RYR1: variants seen among roughly 807,000 people sequenced by gnomAD.
The protein encoded by RYR1 is ryanodine receptor 1.
A neutral mutation model predicts 583.5 loss-of-function variants in RYR1; 342 were observed. The ratio of observed to expected loss-of-function variants is 0.59; its 90% CI spans 0.54 to 0.64. RYR1 has a LOEUF of 0.64. RYR1 is among the 30% of genes least tolerant of loss of function. The probability of loss-of-function intolerance (pLI) is 0.00; values close to 1 mark genes in which losing one functional copy is unlikely to be tolerated. For missense variants in RYR1, 6,032 were observed against 6,917.2 expected (o/e 0.87, Z 4.54); for synonymous variants, 2,791 against 2,822.5 (o/e 0.99, Z 0.35).
chr19:38,494,744 C>T (rs140470643), intron 39 of RYR1, 119 bp downstream of exon 39: 27,843 of 1,259,034 alleles, frequency 0.022, 371 homozygotes, highest in South Asian at 0.027. Flanking sequence ...CTCAGTCTCT[C>T]GATGGCTAGC....
intron 12 of RYR1, 72 bp downstream of exon 12, chr19:38,451,957 C>T (rs1339977483): frequency 6.3e-7 from 1 of 1,597,518 alleles, no homozygotes; most frequent in Non-Finnish European, 8.6e-7. Flanking sequence ...TACACTTGGC[C>T]TCTTTCATCT....
Position 38,502,922 on chromosome 19 carries a change from G to A in RYR1, c.7878G>A (p.Leu2626=), listed in dbSNP as rs148907377. The change falls in exon 49 of 106, where the codon CTG becomes CTA. Residue 2626 remains leucine, a synonymous_variant. Transcript: ENST00000359596. The stretch of plus-strand genomic sequence containing the variant: ...TGCTGCAGCACCTGTTGCGCCGCCT[G>A]GTGTTCGACGTGCCCATCCTCAACG... The part of the protein sequence containing the change: ...PSMLQHLLRR[L]VFDVPILNEF... 2.3e-5 allele frequency: 37 copies of A among 1,611,554 alleles called. No homozygotes were observed. The highest frequency in any genetic ancestry group is 2.3e-4 in the African/African-American group (17 of 74,884).
At chr19:38,435,516 G>C (rs919737629) in intron 1 of RYR1, among the ~76,000 whole-genome samples, 4 of 152,198 alleles carry the variant, frequency 2.6e-5, no homozygotes, top group Non-Finnish European at 5.9e-5. Flanking sequence ...CGGATCACTT[G>C]AGGTCAGGAG....
chr19:38,566,810 A>G, intron 91 of RYR1, 101 bp from the exon 92 acceptor site: 1 of 1,544,258 alleles, frequency 6.5e-7, no homozygotes, highest in Non-Finnish European at 8.8e-7. Context: ...AACTTAGATT[A>G]CCCAGGGGAA....
At chr19:38,511,152 C>T (rs1193389623) in intron 60 of RYR1, among the ~76,000 whole-genome samples, 2 of 151,960 alleles carry the variant, frequency 1.3e-5, no homozygotes, top group Non-Finnish European at 2.9e-5. Flanking sequence ...AAAAATTAGC[C>T]GGGCTTGGTG....
At chr19:38,534,693 C>A in intron 78 of RYR1, 27 bp from the exon 79 acceptor site, 2 of 1,601,266 alleles carry the variant, frequency 1.2e-6, no homozygotes, top group South Asian at 1.1e-5. Flanking sequence ...CCTGGACTTG[C>A]CTTCATGTGT....
chr19:38,523,975 C>T (rs758681056), intron 70 of RYR1, 46 bp downstream of exon 70: 2 of 1,611,144 alleles, frequency 1.2e-6, no homozygotes, highest in Non-Finnish European at 8.5e-7. Context: ...TGGCTAATGC[C>T]CTCTTCCCCC....
intron 29 of RYR1, among the ~76,000 whole-genome samples, chr19:38,475,924 A>C (rs927286371): frequency 3.3e-5 from 5 of 152,250 alleles, no homozygotes; most frequent in African/African-American, 1.2e-4. Context: ...CCAGGGATCA[A>C]TTTTGTGGAA....
At chr19:38,530,074 G>T (rs1286050237) in intron 76 of RYR1, among the ~76,000 whole-genome samples, 1 of 151,918 alleles carries the variant, frequency 6.6e-6, no homozygotes, top group East Asian at 1.9e-4. Flanking sequence ...CCGCCTCCCA[G>T]GTTCAAGCAA....
In RYR1 at chr19:38,502,802, GGCAGGGGGAGGA is replaced by G. The variant is rs1377967442; in HGVS notation, c.7836-70_7836-59del. ...GGGCAGGGGCAGGGGCAGGGGCAGG[GGCAGGGGGAGGA>G]GCAGGGGCAGGGGCAGCAGAGCGGG... On this transcript the variant is annotated intron_variant, in intron 48 of 105. Coordinates refer to ENST00000359596, the MANE Select transcript of RYR1 (RefSeq NM_000540.3). 16,947 of 1,039,300 alleles carry G rather than the reference GGCAGGGGGAGGA, an allele frequency of 0.016. 1,276 individuals are homozygous for G. Among genetic ancestry groups the G allele is most frequent in the African/African-American group, 0.043 (1,637 of 37,670 alleles). The allele number at this position is 1,039,300 out of a possible 1,614,324, so 64.4% of individuals were successfully genotyped here.
rs1600643064 is a variant in RYR1, at chr19:38,444,337, G to A, written c.537+76G>A. On this transcript the variant is annotated intron_variant, in intron 6 of 105. Coordinates refer to ENST00000359596, the MANE Select transcript of RYR1 (RefSeq NM_000540.3). The surrounding 1 kb of genome is among the most constrained non-coding windows in gnomAD (Gnocchi z 5.1). ...GTCCCCATCTTCTCACCATGGGTTTGCCTGGCTGATCTCCCACCCCCAAGG... is the reference window on the plus strand; with the variant it reads ...GTCCCCATCTTCTCACCATGGGTTTACCTGGCTGATCTCCCACCCCCAAGG... 1 of 1,228,532 alleles carries A rather than the reference G, an allele frequency of 8.1e-7. No homozygotes were observed. The highest frequency in any genetic ancestry group is 1.2e-6 in the Non-Finnish European group (1 of 846,428). 76.1% of individuals were successfully genotyped at this position (1,228,532 alleles called of 1,614,324 possible). A position where few individuals can be genotyped will look rare whatever the true frequency, so the allele number is the denominator to read the frequency against.
chr19:38,549,145 A>G (rs1008190950), intron 89 of RYR1, among the ~76,000 whole-genome samples: 1 of 152,162 alleles, frequency 6.6e-6, no homozygotes, highest in Non-Finnish European at 1.5e-5. Context: ...TCCAAGTCTA[A>G]ATAATGAGCC....
In RYR1 at chr19:38,489,441, C is replaced by T; in HGVS notation, c.5812C>T (p.Gln1938Ter). The T allele has an allele frequency of 1.2e-6, 2 of 1,613,948 alleles. No homozygotes were observed. The highest frequency in any genetic ancestry group is 4.5e-5 in the East Asian group (2 of 44,872). ...GAAGTTGCCAGAGTCTGTGAAGTTACAGGTGGGCTGCTGCTTCCTGCTTTT... is the reference window on the plus strand; with the variant it reads ...GAAGTTGCCAGAGTCTGTGAAGTTATAGGTGGGCTGCTGCTTCCTGCTTTT... ...QMKLPESVKL[Q>*]MCHLLEYFCD... Residue 1938 changes from glutamine to a stop codon, truncating the protein, a stop_gained and splice_region_variant, in exon 35 of 106, where the codon CAG becomes TAG. Coordinates refer to ENST00000359596, the MANE Select transcript of RYR1 (RefSeq NM_000540.3). LOFTEE classifies it high-confidence loss of function.
chr19:38,511,986 G>C, intron 61 of RYR1, 86 bp from the exon 62 acceptor site: 1 of 1,466,072 alleles, frequency 6.8e-7, no homozygotes. Context: ...GCCTCAGGAA[G>C]AGAGCGGTTG....
chr19:38,523,381 C>A, intron 69 of RYR1, 72 bp downstream of exon 69: 1 of 1,577,574 alleles, frequency 6.3e-7, no homozygotes, highest in Non-Finnish European at 8.7e-7. Context: ...CCTACCTGGC[C>A]TGTCCTCACC....
At chr19:38,511,886 T>G (rs1970740683) in intron 61 of RYR1, among the ~76,000 whole-genome samples, 186 bp from the exon 62 acceptor site, 6 of 142,588 alleles carry the variant, frequency 4.2e-5, no homozygotes, top group African/African-American at 8.0e-5. Flanking sequence ...GCCAGGAGAG[T>G]GGTTGGGCTG....
In RYR1 at chr19:38,452,763, G is replaced by A. The variant is rs538967292; in HGVS notation, c.1245-56G>A. 53 of 1,494,658 alleles carry A rather than the reference G, an allele frequency of 3.5e-5. No homozygotes were observed. In the African/African-American group the frequency reaches 7.2e-4, roughly 20 times the overall value. 92.6% of individuals were successfully genotyped at this position (1,494,658 alleles called of 1,614,324 possible). A position where few individuals can be genotyped will look rare whatever the true frequency, so the allele number is the denominator to read the frequency against. On this transcript the variant is annotated intron_variant, in intron 12 of 105. Coordinates refer to ENST00000359596, the MANE Select transcript of RYR1 (RefSeq NM_000540.3). ...CTTGCGGGAGTGAGGTTGCGGCAGT[G>A]ACGTTGCGGCAGTTAGCGCTCCCAG...
chr19:38,457,461 C>T (rs1476995529), intron 16 of RYR1, 36 bp from the exon 17 acceptor site: 1 of 1,614,082 alleles, frequency 6.2e-7, no homozygotes. Flanking sequence ...TGCCCTGGTG[C>T]CTACACACCC....
rs746454590 is a variant in RYR1 at position 38,556,061 on chromosome 19, G to A, written c.12283-5052G>A. ...GTATTTTTAGTAGAGACAAGGTTTC[G>A]CCATGTTGGCCAGGGTAGTCTCAAA... On this transcript the variant is annotated intron_variant, in intron 89 of 105. Coordinates refer to ENST00000359596, the MANE Select transcript of RYR1 (RefSeq NM_000540.3). Among the ~76,000 whole-genome samples the A allele has an allele frequency of 3.3e-5, 5 of 152,064 alleles. No homozygotes were observed. In the South Asian group the frequency reaches 6.2e-4, roughly 19 times the overall value.
Sources: allele counts gnomAD v4.1 joint callset (sites outside exome capture counted in the v4.1 genomes callset), GRCh38; gene constraint gnomAD v4.1.1; non-coding constraint Gnocchi (gnomAD v3.1); transcripts MANE v1.5; gene names NCBI Gene and HGNC (gene_info 2026-07-23, HGNC 2026-07-21).